PZP: variants seen among roughly 807,000 people sequenced by gnomAD.
The protein encoded by PZP is pregnancy zone protein.
A neutral mutation model predicts 179.8 loss-of-function variants in PZP; 150 were observed. That is an observed-to-expected ratio of 0.83 (90% confidence interval 0.73 to 0.96). The LOEUF (loss-of-function observed/expected upper bound fraction) is 0.96, where lower values mean the gene tolerates loss of function less well. Among genes scored for constraint, PZP ranks in the 40% least tolerant of loss-of-function variants. PZP has a pLI of 0.00. For missense variants in PZP, 1,689 were observed against 1,764.0 expected (o/e 0.96, Z 0.76); for synonymous variants, 624 against 652.3 (o/e 0.96, Z 0.66).
the PZP span, among the ~76,000 whole-genome samples, chr12:9,138,421 A>G: frequency 1.3e-5 from 2 of 151,670 alleles, no homozygotes; most frequent in African/African-American, 4.8e-5. Context: ...TATTTTTAAA[A>G]TATTTTTTGC....
intron 4 of PZP, 39 bp downstream of exon 4, chr12:9,202,280 C>T (rs1427460618): frequency 6.5e-7 from 1 of 1,544,334 alleles, no homozygotes. Context: ...AGTATTCCCA[C>T]TCTACCCACA....
rs1228038141 is a variant in PZP at position 9,204,952 on chromosome 12, T to A, written c.84-1001A>T. ...TCTCTACAAAAATTAAAATAAAAAA[T>A]TTAGCCAGGTGGCACATGGCTGTAG... On this transcript the variant is annotated intron_variant, in intron 1 of 35. Transcript: ENST00000261336. Among the ~76,000 whole-genome samples, 8 of 151,902 alleles carry A rather than the reference T, an allele frequency of 5.3e-5. No individual in the cohort carries two copies. The South Asian group carries it at 1.7e-3, about 32-fold the overall frequency.
intron 30 of PZP, 31 bp downstream of exon 30, chr12:9,153,094 G>T (rs372975248): frequency 1.4e-4 from 232 of 1,610,100 alleles, no homozygotes; most frequent in Non-Finnish European, 2.0e-4. Flanking sequence ...GTTTAAAGTT[G>T]ACTCTCACCC....
the PZP span, among the ~76,000 whole-genome samples, chr12:9,143,301 G>C: frequency 7.2e-4 from 110 of 152,308 alleles, no homozygotes; most frequent in African/African-American, 2.6e-3. Flanking sequence ...CCACTTCCCA[G>C]AGTAGGAGAA....
At chr12:9,140,077 G>T in the PZP span, among the ~76,000 whole-genome samples, 1 of 152,142 alleles carries the variant, frequency 6.6e-6, no homozygotes, top group Non-Finnish European at 1.5e-5. Context: ...TTATTTTCGT[G>T]TTGGAATGTT....
intron 8 of PZP, 40 bp downstream of exon 8, chr12:9,196,972 T>C (rs1943812342): frequency 7.2e-7 from 1 of 1,390,866 alleles, no homozygotes; most frequent in Non-Finnish European, 1.0e-6. Context: ...TCACTGGTTG[T>C]AAACAGTGAT....
downstream of PZP, among the ~76,000 whole-genome samples, chr12:9,145,580 C>T (rs758058956): frequency 1.2e-4 from 18 of 152,278 alleles, no homozygotes; most frequent in African/African-American, 4.1e-4. Context: ...AAGTGACTTA[C>T]TAGCATTACA....
intron 13 of PZP, among the ~76,000 whole-genome samples, chr12:9,186,539 G>A (rs1046924773): frequency 1.3e-4 from 20 of 152,088 alleles, no homozygotes; most frequent in African/African-American, 9.7e-5. Flanking sequence ...TGATAGGCTC[G>A]AGATAAAGGA....
chr12:9,183,184 G>A (rs1942886010), intron 13 of PZP, among the ~76,000 whole-genome samples: 1 of 152,162 alleles, frequency 6.6e-6, no homozygotes, highest in Non-Finnish European at 1.5e-5. Flanking sequence ...ATATCAGGAT[G>A]AACAAGGCTA....
intron 15 of PZP, among the ~76,000 whole-genome samples, chr12:9,175,861 G>A (rs1398845908): frequency 1.3e-5 from 2 of 152,172 alleles, no homozygotes; most frequent in Admixed American, 6.5e-5. Context: ...CTGTTGTGGG[G>A]AGTGTAAATT....
At chr12:9,157,942 A>G (rs1940881073) in intron 26 of PZP, 101 bp from the exon 27 acceptor site, 2 of 984,334 alleles carry the variant, frequency 2.0e-6, no homozygotes, top group Non-Finnish European at 3.1e-6. Flanking sequence ...TTTCCATTCA[A>G]AGTATACCAT....
chr12:9,153,207 A>G lies in PZP; in HGVS notation c.3911T>C (p.Leu1304Pro). ...TGGCAATGAGATCTGCTGCAGTAAT[A>G]GGAGGTTGTTGTTGTCTACTTGGAA... ...TNFQVDNNNLLLLQQISLPEL... is the reference protein window; with the variant it reads ...TNFQVDNNNLPLLQQISLPEL... The change falls in exon 30 of 36, where the codon CTA becomes CCA. Residue 1304 changes from leucine (L) to proline (P), a missense_variant. Physicochemically the swap from Leu to Pro is moderately conservative, Grantham distance 98. Around this residue, in one of 3 missense-constraint regions of PZP, gnomAD observed 746 missense variants for 749.2 expected, o/e 1.00. Coordinates refer to ENST00000261336, the MANE Select transcript of PZP (RefSeq NM_002864.3). The G allele has an allele frequency of 6.2e-7, 1 of 1,614,192 alleles. No homozygotes were observed. The highest frequency in any genetic ancestry group is 1.7e-5 in the Admixed American group (1 of 60,030).
intron 1 of PZP, 24 bp from the exon 2 acceptor site, chr12:9,203,975 T>C (rs760608034): frequency 1.1e-5 from 18 of 1,578,738 alleles, no homozygotes; most frequent in Non-Finnish European, 1.6e-5. Flanking sequence ...AAGTCTAAAT[T>C]AGAGAAAAAC....
intron 13 of PZP, 46 bp from the exon 14 acceptor site, chr12:9,182,163 A>AATGGTCAT (rs1392394828): frequency 6.5e-7 from 1 of 1,546,108 alleles, no homozygotes; most frequent in Admixed American, 1.8e-5. Context: ...AGTGAGACAA[A>AATGGTCAT]AAGGTCATAA....
At chr12:9,153,613 A>T (rs926263496) in intron 29 of PZP, among the ~76,000 whole-genome samples, 9 of 152,260 alleles carry the variant, frequency 5.9e-5, no homozygotes, top group African/African-American at 2.2e-4. Flanking sequence ...TTCAAAGAAT[A>T]GGTCTAAAAC....
At chr12:9,174,529 ATTATCT>A (rs1942229695) in intron 15 of PZP, among the ~76,000 whole-genome samples, 1 of 151,910 alleles carries the variant, frequency 6.6e-6, no homozygotes. Context: ...AGAAAGTCAA[ATTATCT>A]TTATTTGATT....
chr12:9,151,308 G>C (rs193179968), intron 33 of PZP, among the ~76,000 whole-genome samples: 88 of 152,066 alleles, frequency 5.8e-4, no homozygotes, highest in Admixed American at 9.2e-4. Flanking sequence ...TATTCATATC[G>C]TCAGGGAGTG....
the PZP span, among the ~76,000 whole-genome samples, chr12:9,143,351 G>A: frequency 6.6e-6 from 1 of 152,170 alleles, no homozygotes; most frequent in South Asian, 2.1e-4. Context: ...GTTTTTGAAT[G>A]AGTAACAGGT....
intron 15 of PZP, 157 bp from the exon 16 acceptor site, chr12:9,169,748 C>T (rs1027019852): frequency 9.5e-6 from 6 of 630,090 alleles, no homozygotes; most frequent in African/African-American, 3.8e-5. Context: ...TTATATTTAA[C>T]AGTGTTGTTT....
Sources: gnomAD v4.1 joint callset for allele counts (sites outside exome capture counted in the v4.1 genomes callset) on GRCh38, gnomAD v4.1.1 for gene constraint, gnomAD v4.1.1 regional missense constraint, MANE v1.5 for transcripts, NCBI Gene and HGNC (gene_info 2026-07-23, HGNC 2026-07-21) for gene names.